The following FRK variants were observed in gnomAD, a reference collection of about 807,000 sequenced individuals.
The protein encoded by FRK is tyrosine-protein kinase FRK.
A neutral mutation model predicts 56.4 loss-of-function variants in FRK; 51 were observed. The observed-to-expected ratio is 0.90, with a 90% CI of 0.72 to 1.14. FRK has a LOEUF of 1.14. FRK is among the 50% of genes most tolerant of loss of function. FRK has a pLI of 0.00. For synonymous variants in FRK, 245 were observed against 217.9 expected, an observed-to-expected ratio of 1.12 and a Z score of -1.10; for missense variants, 570 against 601.4, an observed-to-expected ratio of 0.95 and a Z score of 0.55.
intron 2 of FRK, among the ~76,000 whole-genome samples, chr6:115,989,284 CT>C (rs528234716): frequency 6.6e-5 from 10 of 151,804 alleles, no homozygotes; most frequent in Non-Finnish European, 1.3e-4. Flanking sequence ...ATTTCCAATT[CT>C]TTTATTTATC....
intron 1 of FRK, among the ~76,000 whole-genome samples, chr6:116,046,664 G>A (rs1416976226): frequency 6.6e-6 from 1 of 152,072 alleles, no homozygotes. Context: ...ATAGCATTAA[G>A]AGAAATACCT....
intron 1 of FRK, among the ~76,000 whole-genome samples, chr6:116,007,282 G>A (rs962436762): frequency 6.6e-6 from 1 of 152,144 alleles, no homozygotes; most frequent in Non-Finnish European, 1.5e-5. Flanking sequence ...ACCCTTCAAT[G>A]GACACTACTC....
intron 2 of FRK, among the ~76,000 whole-genome samples, chr6:115,974,687 T>C (rs1236022445): frequency 2.0e-5 from 3 of 152,190 alleles, no homozygotes; most frequent in Non-Finnish European, 2.9e-5. Context: ...GACCATTGCT[T>C]TCTCTCCCTA....
upstream of FRK, among the ~76,000 whole-genome samples, chr6:116,065,542 C>T (rs145112313): frequency 3.9e-5 from 6 of 152,340 alleles, no homozygotes; most frequent in Admixed American, 2.6e-4. Flanking sequence ...CCTTTTCCTA[C>T]ATTAACCATC....
At chr6:115,955,715 A>G (rs894483380) in intron 5 of FRK, among the ~76,000 whole-genome samples, 3 of 152,100 alleles carry the variant, frequency 2.0e-5, no homozygotes, top group African/African-American at 4.8e-5. Flanking sequence ...TAAACATTCT[A>G]TCATTCCACC....
intron 1 of FRK, chr6:116,039,062 G>T (rs942493766): frequency 2.6e-6 from 2 of 763,498 alleles, no homozygotes; most frequent in Non-Finnish European, 4.9e-6. Context: ...TGTCTTTGGG[G>T]AGTCAGATAA....
At chr6:116,043,590 G>A (rs1418991473) in intron 1 of FRK, among the ~76,000 whole-genome samples, 2 of 152,074 alleles carry the variant, frequency 1.3e-5, no homozygotes, top group Non-Finnish European at 2.9e-5. Context: ...CTAACCCAGA[G>A]TTTAGAGGGA....
Position 115,942,268 on chromosome 6 carries a change from T to C in FRK, c.*146A>G, listed in dbSNP as rs1338507. ...CAGTCAATAAAATGCACAAATAATC[T>C]TTTTCATAATACATGGCCAACTTTA... On this transcript the variant is annotated 3_prime_UTR_variant, in exon 8 of 8. Transcript: ENST00000606080. 29,094 of 665,544 alleles carry C rather than the reference T, an allele frequency of 0.044. 1,584 individuals carry two copies. Among genetic ancestry groups the C allele is most frequent in the Admixed American group, 0.2 (7,292 of 36,766 alleles). 41.2% of individuals were successfully genotyped at this position (665,544 alleles called of 1,614,324 possible). A position where few individuals can be genotyped will look rare whatever the true frequency, so the allele number is the denominator to read the frequency against.
chr6:116,053,467 A>G (rs531768152), intron 1 of FRK, among the ~76,000 whole-genome samples: 15 of 152,198 alleles, frequency 9.9e-5, no homozygotes, highest in Non-Finnish European at 1.9e-4. Flanking sequence ...GTCTACTTTG[A>G]CAATCTCAGT....
chr6:115,952,136 T>C (rs783997), intron 5 of FRK, among the ~76,000 whole-genome samples: 146,330 of 151,366 alleles, frequency 0.97, 70,915 homozygotes, highest in East Asian at 1. Context: ...TGTAGGTTGC[T>C]TGTTCACTCT....
At chr6:115,950,721 C>CAT (rs1772710535) in intron 5 of FRK, among the ~76,000 whole-genome samples, 1 of 152,140 alleles carries the variant, frequency 6.6e-6, no homozygotes, top group African/African-American at 2.4e-5. Flanking sequence ...CATGCACATG[C>CAT]ATGTTTATTG....
chr6:115,980,852 T>C (rs1036376598), intron 2 of FRK, among the ~76,000 whole-genome samples: 4 of 152,096 alleles, frequency 2.6e-5, no homozygotes, highest in African/African-American at 9.7e-5. Context: ...CTTTTTGCCT[T>C]ACCTGCCAGA....
At chr6:116,051,653 G>A (rs899245588) in intron 1 of FRK, among the ~76,000 whole-genome samples, 5 of 152,082 alleles carry the variant, frequency 3.3e-5, no homozygotes, top group East Asian at 3.8e-4. Flanking sequence ...CTGCAATATC[G>A]TTAAAACTGC....
At position 115,939,175 on chromosome 6, in the gene FRK, G is replaced by C. The variant is rs1469946098; in HGVS notation, c.*3239C>G. The C allele has an allele frequency of 6.6e-6, 1 of 152,096 alleles. No individual in the cohort carries two copies. The highest frequency in any genetic ancestry group is 2.4e-5 in the African/African-American group (1 of 41,390). 9.4% of individuals were successfully genotyped at this position (152,096 alleles called of 1,614,324 possible). A position where few individuals can be genotyped will look rare whatever the true frequency, so the allele number is the denominator to read the frequency against. On this transcript the variant is annotated 3_prime_UTR_variant, in exon 8 of 8. Transcript: ENST00000606080. Reference sequence around the variant, plus strand: ...GGCTTCATCCCTGAGACACAAGGCTGGTTCAACATACGCAAATCAATAAAC... The same window carrying C: ...GGCTTCATCCCTGAGACACAAGGCTCGTTCAACATACGCAAATCAATAAAC...
the FRK span, among the ~76,000 whole-genome samples, chr6:116,068,120 T>C: frequency 1.1e-4 from 17 of 152,258 alleles, no homozygotes; most frequent in East Asian, 3.1e-3. Flanking sequence ...CTAGGGGAAA[T>C]GACAAGAATC....
Position 115,933,506 on chromosome 6 carries a change from C to T in FRK, c.*8908G>A, listed in dbSNP as rs1447591735. Reference sequence around the variant, plus strand: ...TAGATTGCTTTGACAGAACCTTGAACATAAATGTCCCCAAGAATCAAACAC... The same window carrying T: ...TAGATTGCTTTGACAGAACCTTGAATATAAATGTCCCCAAGAATCAAACAC... On this transcript the variant is annotated 3_prime_UTR_variant, in exon 8 of 8. Transcript: ENST00000606080. 1 of 152,140 alleles carries T rather than the reference C, an allele frequency of 6.6e-6. No individual in the cohort carries two copies. Among genetic ancestry groups the T allele is most frequent in the Non-Finnish European group, 1.5e-5 (1 of 67,998 alleles). 9.4% of individuals were successfully genotyped at this position (152,140 alleles called of 1,614,324 possible).
intron 1 of FRK, among the ~76,000 whole-genome samples, chr6:116,024,627 G>T (rs573158442): frequency 6.6e-6 from 1 of 152,044 alleles, no homozygotes; most frequent in Admixed American, 6.6e-5. Context: ...AGTATTCCAT[G>T]GTGTATATGT....
the FRK span, among the ~76,000 whole-genome samples, chr6:116,095,180 A>G: frequency 2.2e-4 from 33 of 152,340 alleles, no homozygotes; most frequent in Admixed American, 6.5e-4. Flanking sequence ...AGACCTAGGA[A>G]GAACTCCCTT....
At chr6:115,967,082 T>C (rs1017253804) in intron 4 of FRK, among the ~76,000 whole-genome samples, 2 of 152,168 alleles carry the variant, frequency 1.3e-5, no homozygotes, top group African/African-American at 2.4e-5. Context: ...AAAAGGAAGA[T>C]GGAAGGGAAA....
Sources: allele counts gnomAD v4.1 joint callset (sites outside exome capture counted in the v4.1 genomes callset), GRCh38; gene constraint gnomAD v4.1.1; transcripts MANE v1.5; gene names NCBI Gene and HGNC (gene_info 2026-07-23, HGNC 2026-07-21).